The following ETNPPL variants were observed in gnomAD, a reference collection of about 807,000 sequenced individuals.
The protein encoded by ETNPPL is ethanolamine-phosphate phospho-lyase, also known as alanine--glyoxylate aminotransferase 2-like 1.
Under a neutral mutation model 55.5 loss-of-function variants are expected in ETNPPL, and 30 were observed. The ratio of observed to expected loss-of-function variants is 0.54; its 90% CI spans 0.40 to 0.73. ETNPPL has a LOEUF of 0.73. ETNPPL is among the 30% of genes least tolerant of loss of function. The pLI is 0.00. For missense variants in ETNPPL, 528 were observed against 607.9 expected (o/e 0.87, Z 1.38); for synonymous variants, 202 against 207.2 (o/e 0.98, Z 0.21).
At position 108,747,192 on chromosome 4, in the gene ETNPPL, TA is replaced by T. The variant is rs1424654576; in HGVS notation, c.1083-342del. Among the ~76,000 whole-genome samples the T allele has an allele frequency of 3.1e-4, 3 of 9,532 alleles. 1 individual carries two copies. The highest frequency in any genetic ancestry group is 4.4e-4 in the Non-Finnish European group (3 of 6,744). The allele number at this position is 9,532 out of a possible 152,430, so 6.3% of individuals were successfully genotyped here. A position where few individuals can be genotyped will look rare whatever the true frequency, so the allele number is the denominator to read the frequency against. The stretch of plus-strand genomic sequence containing the variant: ...TATATATATATATAATATATATATA[TA>T]TTATATATATATATAATATATATAT... On this transcript the variant is annotated intron_variant, in intron 9 of 12. Transcript: ENST00000296486.
intron 4 of ETNPPL, 163 bp from the exon 5 acceptor site, chr4:108,754,873 A>T: frequency 1.7e-6 from 1 of 589,998 alleles, no homozygotes; most frequent in Non-Finnish European, 2.9e-6. Context: ...TTTCATGGCA[A>T]GACTGGCCCT....
At chr4:108,753,791 AGAAAGAAAG>A (rs1729045890) in intron 5 of ETNPPL, among the ~76,000 whole-genome samples, 1 of 108,864 alleles carries the variant, frequency 9.2e-6, no homozygotes, top group South Asian at 3.4e-4. Flanking sequence ...AAAGAAAGAA[AGAAAGAAAG>A]AAAGAAAAGA....
At chr4:108,761,477 C>T (rs892585150) in intron 1 of ETNPPL, among the ~76,000 whole-genome samples, 1 of 152,052 alleles carries the variant, frequency 6.6e-6, no homozygotes, top group Non-Finnish European at 1.5e-5. Flanking sequence ...TTTATACCTA[C>T]AAGTTAAAAT....
At chr4:108,751,289 T>C (rs1394655562) in intron 6 of ETNPPL, among the ~76,000 whole-genome samples, 1 of 152,196 alleles carries the variant, frequency 6.6e-6, no homozygotes, top group East Asian at 1.9e-4. Flanking sequence ...TCTCCATCAT[T>C]ACATGCAGCA....
Position 108,762,892 on chromosome 4 carries a change from C to T in ETNPPL, c.7G>A (p.Glu3Lys), listed in dbSNP as rs199508299. 1.7e-5 allele frequency: 28 copies of T among 1,614,058 alleles called. No homozygotes were observed. Among genetic ancestry groups the T allele is most frequent in the Non-Finnish European group, 2.0e-5 (24 of 1,179,924 alleles). MC[E>K]LYSKRDTLGL... ...AGAGTGTCCCGCTTACTGTACAGCT[C>T]GCACATGGTGGCGGGGTGCAGGGCG... is the stretch of plus-strand genomic sequence containing the variant. The change falls in exon 1 of 13, where the codon GAG (glutamate) becomes AAG (lysine). Residue 3 changes from glutamate to lysine, a missense_variant. Glu to Lys is a moderately conservative substitution (Grantham distance 56). Coordinates refer to ENST00000296486, the MANE Select transcript of ETNPPL (RefSeq NM_031279.4).
At chr4:108,746,951 T>A in intron 9 of ETNPPL, 100 bp from the exon 10 acceptor site, 1 of 723,560 alleles carries the variant, frequency 1.4e-6, no homozygotes, top group Non-Finnish European at 2.4e-6. Context: ...TTTCCAAGTT[T>A]AATTCTAACT....
intron 1 of ETNPPL, chr4:108,762,250 A>T (rs1729539241): frequency 2.4e-6 from 1 of 415,690 alleles, no homozygotes; most frequent in South Asian, 1.7e-5. Context: ...GGAAGAACAC[A>T]GCTTGGGAGA....
chr4:108,743,394 C>G (rs1266427237), intron 12 of ETNPPL, among the ~76,000 whole-genome samples: 2 of 152,208 alleles, frequency 1.3e-5, no homozygotes, highest in African/African-American at 4.8e-5. Flanking sequence ...TCTGGCACTT[C>G]AGAACCTCCC....
chr4:108,755,613 T>G (rs1211511898), intron 4 of ETNPPL, among the ~76,000 whole-genome samples: 1 of 152,074 alleles, frequency 6.6e-6, no homozygotes, highest in African/African-American at 2.4e-5. Flanking sequence ...GGTCAGGAGT[T>G]CGAAACCAGC....
At chr4:108,753,314 G>A (rs114157004) in intron 5 of ETNPPL, among the ~76,000 whole-genome samples, 297 of 152,244 alleles carry the variant, frequency 2.0e-3, no homozygotes, top group Non-Finnish European at 3.4e-3. Flanking sequence ...GTCAGTGAAT[G>A]GAAACTGTAT....
Position 108,750,614 on chromosome 4 carries a change from G to GATATATATTTTATATATATATATAT in ETNPPL, c.701+321_701+322insATATATATATATATAAAATATATAT, listed in dbSNP as rs1164661418. Among the ~76,000 whole-genome samples the GATATATATTTTATATATATATATAT allele has an allele frequency of 8.5e-4, 104 of 121,648 alleles. 5 individuals are homozygous for GATATATATTTTATATATATATATAT. The highest frequency in any genetic ancestry group is 3.2e-3 in the African/African-American group (97 of 30,708). 79.8% of individuals were successfully genotyped at this position (121,648 alleles called of 152,430 possible). On this transcript the variant is annotated intron_variant, in intron 7 of 12. Coordinates refer to ENST00000296486, the MANE Select transcript of ETNPPL (RefSeq NM_031279.4). ...GATATATCATATATGATATATATAG[G>GATATATATTTTATATATATATATAT]ATATATATATATCCTATTAGTTTGG...
chr4:108,761,370 A>C (rs539521836), intron 1 of ETNPPL, among the ~76,000 whole-genome samples: 15 of 152,298 alleles, frequency 9.8e-5, no homozygotes, highest in African/African-American at 3.6e-4. Flanking sequence ...AAAATTGCAT[A>C]AGGTTGTGTT....
intron 6 of ETNPPL, 30 bp downstream of exon 6, chr4:108,752,865 T>G: frequency 8.6e-5 from 104 of 1,210,216 alleles, no homozygotes; most frequent in Non-Finnish European, 1.2e-4. Context: ...TAAAAGATGT[T>G]GAGATGTTTC....
intron 3 of ETNPPL, among the ~76,000 whole-genome samples, chr4:108,758,877 T>C (rs762827091): frequency 1.3e-5 from 2 of 151,982 alleles, no homozygotes; most frequent in Non-Finnish European, 2.9e-5. Context: ...ATGGAGAAAC[T>C]CCATCTCTAC....
At chr4:108,748,524 T>C (rs1483138596) in intron 8 of ETNPPL, among the ~76,000 whole-genome samples, 1 of 152,152 alleles carries the variant, frequency 6.6e-6, no homozygotes, top group Non-Finnish European at 1.5e-5. Context: ...AGCTAAGCAA[T>C]GACATTTTCC....
chr4:108,751,767 C>A (rs371902210), intron 6 of ETNPPL, among the ~76,000 whole-genome samples: 1 of 152,314 alleles, frequency 6.6e-6, no homozygotes, highest in African/African-American at 2.4e-5. Context: ...GGACTCAAGA[C>A]TTTTGCTGTA....
chr4:108,758,044 C>T (rs556235737), intron 3 of ETNPPL, among the ~76,000 whole-genome samples: 149 of 134,868 alleles, frequency 1.1e-3, no homozygotes, highest in Admixed American at 5.4e-3. Flanking sequence ...CTCACTCTGT[C>T]GCCAGGCTGG....
At chr4:108,747,133 T>C (rs1728550632) in intron 9 of ETNPPL, among the ~76,000 whole-genome samples, 1 of 50,070 alleles carries the variant, frequency 2.0e-5, no homozygotes, top group Non-Finnish European at 3.1e-5. Flanking sequence ...ATTATATATA[T>C]ATATATATAT....
At chr4:108,757,270 A>C (rs1277556327) in intron 3 of ETNPPL, among the ~76,000 whole-genome samples, 1 of 152,244 alleles carries the variant, frequency 6.6e-6, no homozygotes, top group Non-Finnish European at 1.5e-5. Context: ...AAAGGAAGAA[A>C]ATAATAATAA....
Sources: allele counts gnomAD v4.1 joint callset (sites outside exome capture counted in the v4.1 genomes callset), GRCh38; gene constraint gnomAD v4.1.1; transcripts MANE v1.5; gene names NCBI Gene and HGNC (gene_info 2026-07-23, HGNC 2026-07-21).